Variants in ARMH3 observed in about 807,000 individuals in gnomAD.
ARMH3 encodes the protein armadillo-like helical domain-containing protein 3.
Under a neutral mutation model 99.1 loss-of-function variants are expected in ARMH3, and 60 were observed. The observed-to-expected ratio is 0.61, with a 90% confidence interval of 0.49 to 0.75. ARMH3 has a LOEUF of 0.75. Ranked by LOEUF, ARMH3 falls within the 30% of genes least tolerant of loss-of-function variation. The pLI, the probability that ARMH3 is intolerant of heterozygous loss-of-function variation, is 0.00. For missense variants in ARMH3, 679 were observed against 843.1 expected, an observed-to-expected ratio of 0.81 and a Z score of 2.41; for synonymous variants, 285 against 292.8, an observed-to-expected ratio of 0.97 and a Z score of 0.27.
intron 20 of ARMH3, among the ~76,000 whole-genome samples, chr10:101,972,535 G>A (rs544671556): frequency 6.6e-6 from 1 of 152,324 alleles, no homozygotes; most frequent in African/African-American, 2.4e-5. Context: ...GTGAAAACAT[G>A]AGCAATCCAA....
chr10:101,945,758 T>C (rs192211840), intron 22 of ARMH3, among the ~76,000 whole-genome samples: 78 of 149,462 alleles, frequency 5.2e-4, no homozygotes, highest in African/African-American at 1.6e-3. Context: ...TTATAACCAA[T>C]CTCTGAGTGT....
At chr10:102,002,113 T>C (rs751713396) in intron 14 of ARMH3, 41 bp from the exon 15 acceptor site, 1 of 1,608,698 alleles carries the variant, frequency 6.2e-7, no homozygotes, top group Admixed American at 1.7e-5. Flanking sequence ...CTGCAACATA[T>C]TCCATCTAAC....
At chr10:101,890,308 A>G (rs895943713) in intron 23 of ARMH3, among the ~76,000 whole-genome samples, 1 of 152,038 alleles carries the variant, frequency 6.6e-6, no homozygotes, top group Non-Finnish European at 1.5e-5. Context: ...CAGTGGCACA[A>G]TCATGGCTCA....
chr10:101,941,773 A>AAC (rs1331411198), intron 22 of ARMH3, among the ~76,000 whole-genome samples: 1 of 152,200 alleles, frequency 6.6e-6, no homozygotes, highest in Non-Finnish European at 1.5e-5. Flanking sequence ...TATTCATGTA[A>AAC]TGAACAAAAT....
At chr10:102,045,910 C>T (rs1396664315) in intron 1 of ARMH3, among the ~76,000 whole-genome samples, 1 of 152,076 alleles carries the variant, frequency 6.6e-6, no homozygotes, top group African/African-American at 2.4e-5. Flanking sequence ...GCCTAACCAA[C>T]ATGGAGAAAC....
intron 24 of ARMH3, among the ~76,000 whole-genome samples, chr10:101,850,770 G>C (rs1410214740): frequency 6.6e-6 from 1 of 152,006 alleles, no homozygotes; most frequent in Non-Finnish European, 1.5e-5. Flanking sequence ...GACCAGCCCA[G>C]CCTGGCCACC....
chr10:102,032,808 T>G, intron 4 of ARMH3: 1 of 494,248 alleles, frequency 2.0e-6, no homozygotes, highest in South Asian at 3.9e-5. Flanking sequence ...ACTTTAGCAT[T>G]AGATCAAATT....
chr10:101,879,819 G>C (rs2067365959), intron 24 of ARMH3, among the ~76,000 whole-genome samples: 1 of 152,046 alleles, frequency 6.6e-6, no homozygotes, highest in Non-Finnish European at 1.5e-5. Context: ...GGAAGACAGT[G>C]GTCATCCTAG....
intron 15 of ARMH3, among the ~76,000 whole-genome samples, chr10:102,000,467 A>G (rs188140647): frequency 6.6e-6 from 1 of 151,910 alleles, no homozygotes; most frequent in African/African-American, 2.4e-5. Context: ...GTAAGATGAA[A>G]AAGTTCTGAG....
intron 24 of ARMH3, among the ~76,000 whole-genome samples, chr10:101,884,025 A>T (rs2067481782): frequency 6.6e-6 from 1 of 151,772 alleles, no homozygotes; most frequent in Admixed American, 6.6e-5. Context: ...CGCCAAGCAA[A>T]CAAAAAGAAA....
At position 101,915,366 on chromosome 10, in the gene ARMH3, T is replaced by G. The variant is rs184921470; in HGVS notation, c.1781+24497A>C. Among the ~76,000 whole-genome samples, 7 of 152,268 alleles carry G rather than the reference T, an allele frequency of 4.6e-5. No homozygotes were observed. The South Asian group carries it at 1.5e-3, about 32-fold the overall frequency. ...GTAACCTACCTGGTCTGAGACAAAA[T>G]GATGGCTACACATCTGCTCAGAGTA... On this transcript the variant is annotated intron_variant, in intron 23 of 25. Coordinates refer to ENST00000370033, the MANE Select transcript of ARMH3 (RefSeq NM_024541.3).
intron 22 of ARMH3, among the ~76,000 whole-genome samples, chr10:101,942,012 T>G (rs2135724381): frequency 6.6e-6 from 1 of 152,288 alleles, no homozygotes; most frequent in South Asian, 2.1e-4. Context: ...GTCCACGGAT[T>G]ACTTCTCTGT....
intron 19 of ARMH3, among the ~76,000 whole-genome samples, chr10:101,990,124 C>T (rs1465806022): frequency 6.6e-6 from 1 of 151,844 alleles, no homozygotes; most frequent in Non-Finnish European, 1.5e-5. Flanking sequence ...TGTTCCCTAA[C>T]ACTTCTCCAC....
intron 19 of ARMH3, among the ~76,000 whole-genome samples, chr10:101,985,415 C>CAT (rs773387548): frequency 2.3e-4 from 35 of 150,212 alleles, no homozygotes; most frequent in South Asian, 4.2e-4. Flanking sequence ...TATGTGTGTG[C>CAT]ATATATATAT....
rs752261708 is a variant in ARMH3 at position 101,889,450 on chromosome 10, C to T, written c.1822G>A (p.Ala608Thr). Residue 608 changes from alanine (A) to threonine (T), a missense_variant, in exon 24 of 26, where the codon GCT (alanine) becomes ACT (threonine). Ala to Thr is a moderately conservative substitution (Grantham distance 58). This residue lies in a region of ARMH3 where 389 missense variants were observed against 456.5 expected (regional missense o/e 0.85). Coordinates refer to ENST00000370033, the MANE Select transcript of ARMH3 (RefSeq NM_024541.3). ...NHFNPKIESY[A>T]AVNHISQLSE... The stretch of plus-strand genomic sequence containing the variant: ...AGTTGGGATATGTGATTCACAGCAG[C>T]GTAGGACTCAATTTTGGGGTTAAAG... The T allele has an allele frequency of 6.8e-6, 11 of 1,613,974 alleles. No homozygotes were observed. Among genetic ancestry groups the T allele is most frequent in the Non-Finnish European group, 9.3e-6 (11 of 1,179,888 alleles).
rs556215199 is a variant in ARMH3 at position 102,000,215 on chromosome 10, T to A, written c.1150+1756A>T. 4.1e-4 allele frequency among the ~76,000 whole-genome samples: 63 copies of A among 152,312 alleles called. No homozygotes were observed. In the Middle Eastern group the frequency reaches 0.01, roughly 25 times the overall value. ...ATAGGTAAATCACTTCACAATTATTTTCAACTTCTGTATACTAGAATTTTT... is the reference window on the plus strand; with the variant it reads ...ATAGGTAAATCACTTCACAATTATTATCAACTTCTGTATACTAGAATTTTT... On this transcript the variant is annotated intron_variant, in intron 15 of 25. Coordinates refer to ENST00000370033, the MANE Select transcript of ARMH3 (RefSeq NM_024541.3).
intron 19 of ARMH3, among the ~76,000 whole-genome samples, chr10:101,981,362 G>A (rs1233320119): frequency 2.0e-5 from 3 of 152,090 alleles, no homozygotes; most frequent in South Asian, 2.1e-4. Flanking sequence ...GGTGGCTCAC[G>A]CCTGTAATCC....
At chr10:102,041,059 A>C (rs1406075769) in intron 1 of ARMH3, among the ~76,000 whole-genome samples, 1 of 142,176 alleles carries the variant, frequency 7.0e-6, no homozygotes, top group Non-Finnish European at 1.5e-5. Context: ...ACTACTTTCA[A>C]ATTTAATTGT....
intron 24 of ARMH3, among the ~76,000 whole-genome samples, chr10:101,883,951 C>A (rs2067477279): frequency 6.6e-6 from 1 of 151,730 alleles, no homozygotes; most frequent in African/African-American, 2.4e-5. Flanking sequence ...TATGATCATG[C>A]CACTGCACTC....
Sources: allele counts gnomAD v4.1 joint callset (sites outside exome capture counted in the v4.1 genomes callset), GRCh38; gene constraint gnomAD v4.1.1; regional missense constraint gnomAD v4.1.1; transcripts MANE v1.5; gene names NCBI Gene and HGNC (gene_info 2026-07-23, HGNC 2026-07-21).